The following CIT variants were observed in gnomAD, a reference collection of about 807,000 sequenced individuals.
The protein encoded by CIT is citron Rho-interacting kinase.
CIT carries 79 observed loss-of-function variants against 272.7 expected under a neutral mutation model. That is an observed-to-expected ratio of 0.29 (90% CI 0.24 to 0.35). The LOEUF is 0.35. Ranked by LOEUF, CIT falls within the 10% of genes least tolerant of loss-of-function variation. The probability of loss-of-function intolerance (pLI) is 1.00; values close to 1 mark genes in which losing one functional copy is unlikely to be tolerated. For missense variants in CIT, 1,909 were observed against 2,618.3 expected, an observed-to-expected ratio of 0.73 and a Z score of 5.91; for synonymous variants, 948 against 995.6, an observed-to-expected ratio of 0.95 and a Z score of 0.90.
chr12:119,808,868 G>A (rs1395393723), intron 9 of CIT, among the ~76,000 whole-genome samples: 1 of 152,182 alleles, frequency 6.6e-6, no homozygotes, highest in Non-Finnish European at 1.5e-5. Flanking sequence ...GAGCGCTAAT[G>A]TGATCATACT....
intron 19 of CIT, 121 bp from the exon 20 acceptor site, chr12:119,761,176 C>T (rs2137501671): frequency 1.3e-6 from 1 of 782,618 alleles, no homozygotes; most frequent in Non-Finnish European, 2.2e-6. Flanking sequence ...CCCGAGGTCT[C>T]CAAATTCTGG....
intron 18 of CIT, among the ~76,000 whole-genome samples, chr12:119,769,536 G>A (rs549651859): frequency 6.6e-6 from 1 of 152,270 alleles, no homozygotes; most frequent in South Asian, 2.1e-4. Context: ...AACCACAAGA[G>A]AGTTAACCAC....
chr12:119,850,123 T>C, intron 5 of CIT, 51 bp downstream of exon 5: 1 of 1,122,224 alleles, frequency 8.9e-7, no homozygotes, highest in Middle Eastern at 2.0e-4. Flanking sequence ...CACAGGCATC[T>C]GAGTGTCAGA....
chr12:119,693,758 T>C (rs1444143554), intron 46 of CIT, among the ~76,000 whole-genome samples: 1 of 152,186 alleles, frequency 6.6e-6, no homozygotes. Flanking sequence ...TAACCAAACA[T>C]TTCAGATTAA....
At chr12:119,796,962 A>G (rs186208388) in intron 10 of CIT, among the ~76,000 whole-genome samples, 13 of 152,324 alleles carry the variant, frequency 8.5e-5, no homozygotes, top group African/African-American at 3.1e-4. Flanking sequence ...TGAGACAGTC[A>G]TTTCAGTATT....
chr12:119,757,290 T>A (rs1157759481), intron 22 of CIT, 81 bp downstream of exon 22: 80 of 1,538,884 alleles, frequency 5.2e-5, no homozygotes, highest in Non-Finnish European at 7.0e-5. Context: ...TGTATAGATA[T>A]TGATTTGTGC....
chr12:119,810,063 G>C (rs1480657320), intron 9 of CIT, among the ~76,000 whole-genome samples: 1 of 152,186 alleles, frequency 6.6e-6, no homozygotes, highest in Admixed American at 6.5e-5. Context: ...CCCAAGTTCT[G>C]TGAGCAGCTC....
At chr12:119,873,259 TTTCC>T (rs1432840743) in intron 2 of CIT, among the ~76,000 whole-genome samples, 1 of 150,732 alleles carries the variant, frequency 6.6e-6, no homozygotes, top group African/African-American at 2.5e-5. Context: ...TGGAAATTTT[TTTCC>T]TTTTCTTTTT....
chr12:119,725,096 C>A (rs1382846551), intron 28 of CIT, among the ~76,000 whole-genome samples: 2 of 152,008 alleles, frequency 1.3e-5, no homozygotes, highest in Non-Finnish European at 2.9e-5. Flanking sequence ...AAAATTCTTT[C>A]AATTCTGAGA....
Position 119,758,644 on chromosome 12 carries a change from C to G in CIT, c.2478G>C (p.Leu826=). 1 of 1,614,042 alleles carries G rather than the reference C, an allele frequency of 6.2e-7. No individual in the cohort carries two copies. Among genetic ancestry groups the G allele is most frequent in the Non-Finnish European group, 8.5e-7 (1 of 1,179,858 alleles). The part of the protein sequence containing the change: ...IRSLEQRIVE[L]SEANKLAANS... ...TTGCTGCAAGTTTATTGGCTTCAGACAGTTCCACAATCCTCTGTTCCAGGG... is the reference window on the plus strand; with the variant it reads ...TTGCTGCAAGTTTATTGGCTTCAGAGAGTTCCACAATCCTCTGTTCCAGGG... The change falls in exon 21 of 48, where the codon CTG becomes CTC. Residue 826 remains leucine, a synonymous_variant. Coordinates refer to ENST00000392521, the MANE Select transcript of CIT (RefSeq NM_001206999.2).
intron 5 of CIT, among the ~76,000 whole-genome samples, chr12:119,839,514 G>A (rs1200459110): frequency 1.3e-5 from 2 of 152,180 alleles, no homozygotes; most frequent in Admixed American, 1.3e-4. Context: ...CCTCAAAGCA[G>A]AGTGGCCTCT....
At chr12:119,782,852 T>A (rs924248902) in intron 12 of CIT, 10 of 463,592 alleles carry the variant, frequency 2.2e-5, no homozygotes, top group African/African-American at 1.8e-4. Context: ...ACCTTAGGGA[T>A]CCAGCCGGAA....
intron 10 of CIT, among the ~76,000 whole-genome samples, chr12:119,791,368 A>G (rs1197247369): frequency 1.3e-5 from 2 of 152,192 alleles, no homozygotes; most frequent in African/African-American, 2.4e-5. Flanking sequence ...TGGATACCCA[A>G]GAACATCCAC....
chr12:119,761,620 C>A (rs1381828552), intron 19 of CIT, among the ~76,000 whole-genome samples: 1 of 151,974 alleles, frequency 6.6e-6, no homozygotes, highest in African/African-American at 2.4e-5. Flanking sequence ...TTTTGGCCAC[C>A]AATAACGTAG....
At chr12:119,835,856 G>A (rs1051422963) in intron 5 of CIT, among the ~76,000 whole-genome samples, 8 of 152,214 alleles carry the variant, frequency 5.3e-5, no homozygotes, top group African/African-American at 1.2e-4. Context: ...AGTGACTCGC[G>A]CATCCTCCCT....
chr12:119,710,631 G>A lies in CIT; in HGVS notation c.4855-11C>T. 6.2e-7 allele frequency: 1 copy of A among 1,612,146 alleles called. No homozygotes were observed. The highest frequency in any genetic ancestry group is 8.5e-7 in the Non-Finnish European group (1 of 1,178,196). The stretch of plus-strand genomic sequence containing the variant: ...GTTTCCAAGCAGTTTCTTTTCATAG[G>A]TGAAAGAAAAGAAAAACAGAAGACA... On this transcript the variant is annotated splice_polypyrimidine_tract_variant and intron_variant, in intron 37 of 47. Transcript: ENST00000392521. The surrounding 1 kb of genome is among the most constrained non-coding windows in gnomAD (Gnocchi z 5.6).
chr12:119,712,573 C>T lies in CIT; in HGVS notation c.4684+18G>A, dbSNP rs1565924259. The T allele has an allele frequency of 1.2e-6, 2 of 1,611,314 alleles. No individual in the cohort carries two copies. On this transcript the variant is annotated intron_variant, in intron 36 of 47. Transcript: ENST00000392521. This position sits in a 1 kb window ranked among gnomAD's most constrained non-coding sequence, Gnocchi z 5.2. The stretch of plus-strand genomic sequence containing the variant: ...CCCGGCCCACCTCCAGGGCGGGGCT[C>T]CTCCGGCTCCTCCTCACCTGCTTTG...
intron 25 of CIT, 62 bp from the exon 26 acceptor site, chr12:119,734,419 T>C: frequency 5.1e-6 from 8 of 1,555,320 alleles, no homozygotes; most frequent in Non-Finnish European, 6.2e-6. Context: ...GGAGATTACT[T>C]TGGTCGGGTC....
intron 46 of CIT, among the ~76,000 whole-genome samples, chr12:119,693,462 G>C (rs915199244): frequency 2.6e-5 from 4 of 152,218 alleles, no homozygotes; most frequent in Admixed American, 6.5e-5. Context: ...AACTGGAACT[G>C]TTTTGATCGC....
Sources: gnomAD v4.1 joint callset for allele counts (sites outside exome capture counted in the v4.1 genomes callset) on GRCh38, gnomAD v4.1.1 for gene constraint, Gnocchi (gnomAD v3.1) non-coding constraint, MANE v1.5 for transcripts, NCBI Gene and HGNC (gene_info 2026-07-23, HGNC 2026-07-21) for gene names.